KIAA1217: variants seen among roughly 807,000 people sequenced by gnomAD.
KIAA1217 encodes sickle tail protein homolog.
In KIAA1217, 88 loss-of-function variants were observed where a neutral mutation model predicts 163.9. The ratio of observed to expected loss-of-function variants is 0.54; its 90% CI spans 0.45 to 0.64. KIAA1217 has a LOEUF of 0.64. Ranked by LOEUF, KIAA1217 falls within the 30% of genes least tolerant of loss-of-function variation. KIAA1217 has a pLI of 0.00. For missense variants in KIAA1217, 2,372 were observed against 2,475.0 expected (o/e 0.96, Z 0.88); for synonymous variants, 903 against 923.1 (o/e 0.98, Z 0.39).
chr10:24,409,033 CT>C (rs1484117994), intron 3 of KIAA1217, among the ~76,000 whole-genome samples: 1 of 152,178 alleles, frequency 6.6e-6, no homozygotes, highest in East Asian at 1.9e-4. Context: ...AGTTAATGAA[CT>C]GGCGTGGATG....
intron 1 of KIAA1217, among the ~76,000 whole-genome samples, chr10:23,793,375 A>G (rs1413553806): frequency 6.6e-6 from 1 of 152,156 alleles, no homozygotes; most frequent in Non-Finnish European, 1.5e-5. Context: ...GGGCATGATT[A>G]TTCCATGTCA....
intron 1 of KIAA1217, among the ~76,000 whole-genome samples, chr10:23,960,497 T>TC (rs1328007196): frequency 6.6e-6 from 1 of 152,016 alleles, no homozygotes; most frequent in African/African-American, 2.4e-5. Context: ...TTTCAGGTGA[T>TC]CCGCCTGCCT....
At chr10:24,432,897 G>A in intron 3 of KIAA1217, 98 bp from the exon 4 acceptor site, 1 of 888,364 alleles carries the variant, frequency 1.1e-6, no homozygotes, top group Non-Finnish European at 1.8e-6. Flanking sequence ...AGCTTGTCCT[G>A]AACGTTCCTA....
At chr10:23,939,002 C>T (rs1843648690) in intron 1 of KIAA1217, among the ~76,000 whole-genome samples, 1 of 152,012 alleles carries the variant, frequency 6.6e-6, no homozygotes, top group South Asian at 2.1e-4. Flanking sequence ...AACTATATCC[C>T]ATAGAGTCAA....
chr10:24,366,366 A>C (rs1336886424), intron 2 of KIAA1217, among the ~76,000 whole-genome samples: 5 of 152,086 alleles, frequency 3.3e-5, no homozygotes, highest in Non-Finnish European at 7.4e-5. Flanking sequence ...AATCGCTTTA[A>C]CTCGGGAAGC....
At chr10:24,090,010 G>C (rs1432671526) in intron 2 of KIAA1217, among the ~76,000 whole-genome samples, 3 of 151,642 alleles carry the variant, frequency 2.0e-5, no homozygotes, top group Non-Finnish European at 4.4e-5. Context: ...AAAGAACAAA[G>C]CTGGAGGCAT....
At chr10:24,160,272 A>C (rs1444371986) in intron 2 of KIAA1217, among the ~76,000 whole-genome samples, 2 of 152,214 alleles carry the variant, frequency 1.3e-5, no homozygotes, top group African/African-American at 2.4e-5. Context: ...ACAAAAAAAA[A>C]GCCTTCTGGA....
chr10:24,030,274 C>A (rs1848137516), intron 2 of KIAA1217, among the ~76,000 whole-genome samples: 2 of 152,036 alleles, frequency 1.3e-5, no homozygotes, highest in African/African-American at 2.4e-5. Flanking sequence ...AAATTTTAAT[C>A]CCCAAGTGTC....
rs182024375 is a variant in KIAA1217 at position 23,788,951 on chromosome 10, C to T, written c.-321+93717C>T. On this transcript the variant is annotated intron_variant, in intron 1 of 18. Coordinates refer to the KIAA1217 transcript ENST00000376462. ...CGGTGACCTTAAAGAGATGAGCTCACGTCAAAAGGGACAATTTTTGATATA... is the reference window on the plus strand; with the variant it reads ...CGGTGACCTTAAAGAGATGAGCTCATGTCAAAAGGGACAATTTTTGATATA... Among the ~76,000 whole-genome samples the T allele has an allele frequency of 1.8e-3, 271 of 152,280 alleles. 1 individual carries two copies. The highest frequency in any genetic ancestry group is 2.7e-3 in the Non-Finnish European group (187 of 68,026).
intron 2 of KIAA1217, among the ~76,000 whole-genome samples, chr10:24,077,664 T>G (rs567685659): frequency 1.2e-4 from 18 of 152,376 alleles, no homozygotes; most frequent in Admixed American, 5.9e-4. Context: ...ATCTTTGTGA[T>G]ACAATGATTC....
chr10:24,345,595 A>T (rs1265515194), intron 2 of KIAA1217, among the ~76,000 whole-genome samples: 2 of 152,236 alleles, frequency 1.3e-5, no homozygotes, highest in Non-Finnish European at 2.9e-5. Flanking sequence ...GATAAGACTT[A>T]ACTGTGACTA....
intron 1 of KIAA1217, among the ~76,000 whole-genome samples, chr10:23,895,893 C>CA: frequency 6.7e-6 from 1 of 148,874 alleles, no homozygotes; most frequent in African/African-American, 2.5e-5. Flanking sequence ...ATCGCAAGAA[C>CA]AAAAAACCAA....
intron 2 of KIAA1217, among the ~76,000 whole-genome samples, chr10:24,134,251 T>C (rs2063756100): frequency 6.6e-6 from 1 of 152,140 alleles, no homozygotes; most frequent in South Asian, 2.1e-4. Context: ...GGTGCATTGT[T>C]AAGGGCATTT....
At chr10:24,534,650 C>T (rs7080123) in intron 16 of KIAA1217, among the ~76,000 whole-genome samples, 3 of 151,742 alleles carry the variant, frequency 2.0e-5, no homozygotes, top group Admixed American at 6.6e-5. Context: ...GAGGCTGAGG[C>T]GGGCAGATCA....
At chr10:23,771,310 C>A (rs536684051) in intron 1 of KIAA1217, among the ~76,000 whole-genome samples, 1 of 152,226 alleles carries the variant, frequency 6.6e-6, no homozygotes, top group East Asian at 1.9e-4. Flanking sequence ...TATGACCATG[C>A]CTTTGAGCTA....
chr10:24,285,690 T>C (rs1345642196), intron 2 of KIAA1217, among the ~76,000 whole-genome samples: 1 of 152,220 alleles, frequency 6.6e-6, no homozygotes, highest in African/African-American at 2.4e-5. Flanking sequence ...CATGCTCTTT[T>C]GTGGTTCCAG....
chr10:23,857,848 G>A (rs1440848460), intron 1 of KIAA1217, among the ~76,000 whole-genome samples: 1 of 151,788 alleles, frequency 6.6e-6, no homozygotes, highest in Non-Finnish European at 1.5e-5. Context: ...TATTTATAGA[G>A]GAAACTATAG....
Position 23,790,034 on chromosome 10 carries a change from C to T in KIAA1217, c.-321+94800C>T, listed in dbSNP as rs565532064. Among the ~76,000 whole-genome samples, 7 of 123,082 alleles carry T rather than the reference C, an allele frequency of 5.7e-5. 1 individual carries two copies. The highest frequency in any genetic ancestry group is 2.3e-4 in the East Asian group (1 of 4,442). The allele number at this position is 123,082 out of a possible 152,430, so 80.7% of individuals were successfully genotyped here. A position where few individuals can be genotyped will look rare whatever the true frequency, so the allele number is the denominator to read the frequency against. ...ACACATATACACATATGCATATACACATATACATATGCATATACACATATA... is the reference window on the plus strand; with the variant it reads ...ACACATATACACATATGCATATACATATATACATATGCATATACACATATA... On this transcript the variant is annotated intron_variant, in intron 1 of 18. Transcript: ENST00000376462.
intron 1 of KIAA1217, among the ~76,000 whole-genome samples, chr10:23,817,118 T>A (rs1588879810): frequency 6.6e-6 from 1 of 152,336 alleles, no homozygotes; most frequent in East Asian, 1.9e-4. Flanking sequence ...AAAGCCATAC[T>A]CTAAGAGTAT....
Sources: allele counts gnomAD v4.1 joint callset (sites outside exome capture counted in the v4.1 genomes callset), GRCh38; gene constraint gnomAD v4.1.1; transcripts MANE v1.5; gene names NCBI Gene and HGNC (gene_info 2026-07-23, HGNC 2026-07-21).